ACBD6: variants seen among roughly 807,000 people sequenced by gnomAD.
The protein encoded by ACBD6 is acyl-CoA binding domain containing 6, also known as acyl-CoA-binding domain-containing protein 6.
In ACBD6, 28 loss-of-function variants were observed where a neutral mutation model predicts 37.2. The observed-to-expected ratio is 0.75, with a 90% CI of 0.56 to 1.03. The LOEUF is 1.03. ACBD6 is among the 50% of genes least tolerant of loss of function. The pLI is 0.00. For missense variants in ACBD6, 340 were observed against 337.4 expected (o/e 1.01, Z -0.06); for synonymous variants, 113 against 126.8 (o/e 0.89, Z 0.73).
At chr1:180,412,026 A>G (rs912370618) in intron 5 of ACBD6, among the ~76,000 whole-genome samples, 2 of 149,970 alleles carry the variant, frequency 1.3e-5, no homozygotes, top group Non-Finnish European at 3.0e-5. Context: ...GACTCGCTTT[A>G]TTGCGATAGT....
intron 3 of ACBD6, among the ~76,000 whole-genome samples, chr1:180,461,068 C>T (rs1302409457): frequency 3.9e-5 from 6 of 152,130 alleles, no homozygotes; most frequent in Non-Finnish European, 8.8e-5. Flanking sequence ...CAACCTGATA[C>T]AGCTGAAAAA....
intron 7 of ACBD6, among the ~76,000 whole-genome samples, chr1:180,290,234 C>T (rs1024190336): frequency 2.6e-5 from 4 of 152,098 alleles, no homozygotes; most frequent in African/African-American, 9.7e-5. Context: ...TGTCTCCCAA[C>T]CTGGAGTGCA....
intron 3 of ACBD6, among the ~76,000 whole-genome samples, chr1:180,457,799 T>G (rs1344447067): frequency 2.6e-5 from 4 of 151,856 alleles, no homozygotes; most frequent in East Asian, 1.9e-4. Context: ...AACTGTTTTT[T>G]TTTTTTTTTT....
At chr1:180,498,655 C>G (rs145377929) in intron 1 of ACBD6, among the ~76,000 whole-genome samples, 233 of 152,180 alleles carry the variant, frequency 1.5e-3, no homozygotes, top group African/African-American at 5.3e-3. Flanking sequence ...GGAGACCAGC[C>G]TGGTCAACCA....
intron 1 of ACBD6, among the ~76,000 whole-genome samples, chr1:180,499,788 A>G (rs541932901): frequency 2.0e-5 from 3 of 152,226 alleles, no homozygotes; most frequent in Non-Finnish European, 4.4e-5. Context: ...CAACTTTTCC[A>G]AGAAAGCTAA....
intron 6 of ACBD6, among the ~76,000 whole-genome samples, chr1:180,384,491 A>G (rs569712974): frequency 8.7e-4 from 132 of 152,302 alleles, no homozygotes; most frequent in African/African-American, 3.1e-3. Flanking sequence ...TTATTAAAAG[A>G]TTAAAAATTA....
At position 180,502,517 on chromosome 1, in the gene ACBD6, G is replaced by C; in HGVS notation, c.-251C>G. 1 of 537,168 alleles carries C rather than the reference G, an allele frequency of 1.9e-6. No homozygotes were observed. Among genetic ancestry groups the C allele is most frequent in the Non-Finnish European group, 3.4e-6 (1 of 296,114 alleles). The allele number at this position is 537,168 out of a possible 1,614,324, so 33.3% of individuals were successfully genotyped here. On this transcript the variant is annotated 5_prime_UTR_variant, in exon 1 of 8. Transcript: ENST00000367595. ...CCCGGTCTCCTCCGGCTTCCCTCCG[G>C]CCAACAGCGCGCTCAGGCTCGCCTC...
At chr1:180,480,387 CTAAT>C (rs796536880) in intron 3 of ACBD6, among the ~76,000 whole-genome samples, 2 of 152,194 alleles carry the variant, frequency 1.3e-5, no homozygotes, top group African/African-American at 2.4e-5. Context: ...CACTTGGTAA[CTAAT>C]TAAATAGGTC....
chr1:180,368,765 C>G (rs1653147153), intron 6 of ACBD6, among the ~76,000 whole-genome samples: 1 of 151,348 alleles, frequency 6.6e-6, no homozygotes, highest in African/African-American at 2.4e-5. Flanking sequence ...AGTAAGAGAT[C>G]AGCAACAATC....
intron 5 of ACBD6, among the ~76,000 whole-genome samples, chr1:180,401,360 T>C (rs1647350573): frequency 6.6e-6 from 1 of 152,246 alleles, no homozygotes. Context: ...TCATACCTTC[T>C]GGAAAATACA....
chr1:180,361,918 C>A (rs1414978192), intron 6 of ACBD6, among the ~76,000 whole-genome samples: 1 of 151,974 alleles, frequency 6.6e-6, no homozygotes, highest in African/African-American at 2.4e-5. Context: ...CCCCCACCCC[C>A]ATTCAATAAA....
chr1:180,274,365 T>G, intron 10 of ACBD6: 1 of 1,614,222 alleles, frequency 6.2e-7, no homozygotes, highest in Non-Finnish European at 8.5e-7. Context: ...ATATCGTCCC[T>G]GCCATCCCAC....
chr1:180,338,229 TCCTA>T (rs1339617037), intron 6 of ACBD6, among the ~76,000 whole-genome samples: 7 of 152,150 alleles, frequency 4.6e-5, no homozygotes, highest in Non-Finnish European at 1.0e-4. Context: ...GCCAAGTCAA[TCCTA>T]AGCCAAAAGA....
chr1:180,493,260 A>AAAAAC (rs1211718709), intron 2 of ACBD6, among the ~76,000 whole-genome samples: 2 of 97,828 alleles, frequency 2.0e-5, no homozygotes, highest in Non-Finnish European at 4.6e-5. Flanking sequence ...AAAAAAAAAA[A>AAAAAC]AAAAAAAAAA....
intron 6 of ACBD6, among the ~76,000 whole-genome samples, chr1:180,379,089 C>G (rs985026305): frequency 6.6e-6 from 1 of 152,054 alleles, no homozygotes; most frequent in African/African-American, 2.4e-5. Flanking sequence ...GCATCCCAGT[C>G]CCCAGAAAAA....
chr1:180,401,480 T>TAAAA (rs553076355), intron 5 of ACBD6, among the ~76,000 whole-genome samples: 2 of 151,168 alleles, frequency 1.3e-5, no homozygotes, highest in African/African-American at 4.9e-5. Flanking sequence ...ATCACAAAAT[T>TAAAA]AAAAAAAAGA....
At chr1:180,386,339 A>C (rs1653844071) in intron 6 of ACBD6, among the ~76,000 whole-genome samples, 1 of 152,186 alleles carries the variant, frequency 6.6e-6, no homozygotes. Context: ...ACTGCTTTCA[A>C]TGTTGTTGTT....
At chr1:180,477,015 T>C (rs1650824912) in intron 3 of ACBD6, among the ~76,000 whole-genome samples, 1 of 152,080 alleles carries the variant, frequency 6.6e-6, no homozygotes, top group African/African-American at 2.4e-5. Context: ...TACCCCCTTA[T>C]CCATGGGGTA....
intron 6 of ACBD6, among the ~76,000 whole-genome samples, chr1:180,349,992 A>G (rs1483407863): frequency 6.7e-6 from 1 of 150,176 alleles, no homozygotes; most frequent in Non-Finnish European, 1.5e-5. Flanking sequence ...TAATAGTACA[A>G]CTAAAGGTGT....
Sources: gnomAD v4.1 joint callset for allele counts (sites outside exome capture counted in the v4.1 genomes callset) on GRCh38, gnomAD v4.1.1 for gene constraint, MANE v1.5 for transcripts, NCBI Gene and HGNC (gene_info 2026-07-23, HGNC 2026-07-21) for gene names.